The following TTC39A variants were observed in gnomAD, a reference collection of about 807,000 sequenced individuals.
TTC39A encodes the protein tetratricopeptide repeat protein 39A.
In TTC39A, 46 loss-of-function variants were observed where a neutral mutation model predicts 82.3. The ratio of observed to expected loss-of-function variants is 0.56; its 90% CI spans 0.44 to 0.71. The LOEUF is 0.71. Ranked by LOEUF, TTC39A falls within the 30% of genes least tolerant of loss-of-function variation. The pLI, the probability that TTC39A is intolerant of heterozygous loss-of-function variation, is 0.00. For missense variants in TTC39A, 543 were observed against 712.9 expected, an observed-to-expected ratio of 0.76 and a Z score of 2.71; for synonymous variants, 254 against 275.2, an observed-to-expected ratio of 0.92 and a Z score of 0.76.
At chr1:51,302,173 T>C (rs751806999) in intron 11 of TTC39A, 184 bp downstream of exon 11, 4 of 796,332 alleles carry the variant, frequency 5.0e-6, no homozygotes, top group Non-Finnish European at 8.7e-6. Flanking sequence ...TCCTCCTCCC[T>C]TGTCTTCCCA....
At chr1:51,331,323 C>A, upstream of TTC39A, 1 of 1,528,592 alleles carries the variant, frequency 6.5e-7, no homozygotes, top group Non-Finnish European at 8.8e-7. Context: ...GGCGGTGTCT[C>A]CACCTGACCT....
intron 1 of TTC39A, chr1:51,343,194 C>T: frequency 2.5e-6 from 1 of 392,782 alleles, no homozygotes; most frequent in South Asian, 1.8e-5. Flanking sequence ...GCTCTGGGAA[C>T]ATGGGGACAA....
chr1:51,332,514 G>T (rs555576286), upstream of TTC39A, among the ~76,000 whole-genome samples: 184 of 152,318 alleles, frequency 1.2e-3, 1 homozygote, highest in African/African-American at 4.3e-3. Flanking sequence ...GCCTACCTTG[G>T]CCTCCCACAG....
chr1:51,305,474 T>C, intron 7 of TTC39A: 1 of 345,768 alleles, frequency 2.9e-6, no homozygotes, highest in South Asian at 2.7e-5. Context: ...TGGAAGCCCC[T>C]CCCCAGCTGG....
At chr1:51,301,828 C>T in intron 11 of TTC39A, 95 bp from the exon 12 acceptor site, 9 of 1,514,268 alleles carry the variant, frequency 5.9e-6, no homozygotes, top group Non-Finnish European at 7.1e-6. Context: ...GACCGGGACT[C>T]CTCCAGGGCA....
intron 8 of TTC39A, 27 bp from the exon 9 acceptor site, chr1:51,303,219 C>T (rs1644744353): frequency 1.3e-6 from 2 of 1,526,738 alleles, no homozygotes; most frequent in Non-Finnish European, 1.8e-6. Context: ...GTGGGTGAGG[C>T]TCCCAGAGAG....
At chr1:51,316,323 C>T (rs1037095479) in intron 2 of TTC39A, among the ~76,000 whole-genome samples, 4 of 152,184 alleles carry the variant, frequency 2.6e-5, no homozygotes, top group African/African-American at 9.7e-5. Context: ...AGGATGCCGC[C>T]GCCTTCCCAG....
intron 14 of TTC39A, among the ~76,000 whole-genome samples, chr1:51,291,930 C>T (rs746895796): frequency 3.9e-5 from 6 of 152,150 alleles, no homozygotes; most frequent in South Asian, 2.1e-4. Context: ...CAGTGGCTTA[C>T]GCCTGTAATT....
At chr1:51,312,715 A>G in intron 3 of TTC39A, 97 bp downstream of exon 3, 2 of 1,508,686 alleles carry the variant, frequency 1.3e-6, no homozygotes, top group Non-Finnish European at 1.8e-6. Flanking sequence ...AGCCAAAAGC[A>G]GCAGTGCGAA....
Position 51,288,764 on chromosome 1 carries a change from C to T in TTC39A, c.1610+75G>A. On this transcript the variant is annotated intron_variant, in intron 17 of 17. Transcript: ENST00000680483. This position sits in a 1 kb window ranked among gnomAD's most constrained non-coding sequence, Gnocchi z 4.8. ...GCAACTCCACTCACTGCTCTCTGGGCAACTCTGTCCCCAGCCAGCTCCTGA... is the reference window on the plus strand; with the variant it reads ...GCAACTCCACTCACTGCTCTCTGGGTAACTCTGTCCCCAGCCAGCTCCTGA... The T allele has an allele frequency of 2.1e-6, 3 of 1,406,228 alleles. No individual in the cohort carries two copies. Among genetic ancestry groups the T allele is most frequent in the Non-Finnish European group, 2.9e-6 (3 of 1,019,692 alleles). The allele number at this position is 1,406,228 out of a possible 1,614,324, so 87.1% of individuals were successfully genotyped here.
Position 51,302,430 on chromosome 1 carries a change from C to A in TTC39A, c.832-14G>T. ...GAAGATGGCACCCTGCAATGACACA[C>A]ATGTAAGTCCGTGTGGGTCCGTGGG... On this transcript the variant is annotated splice_polypyrimidine_tract_variant and intron_variant, in intron 10 of 17. Transcript: ENST00000680483. The A allele has an allele frequency of 6.2e-7, 1 of 1,608,610 alleles. No individual in the cohort carries two copies. Among genetic ancestry groups the A allele is most frequent in the Non-Finnish European group, 8.5e-7 (1 of 1,177,392 alleles).
chr1:51,339,250 G>A (rs1292372343), intron 1 of TTC39A, among the ~76,000 whole-genome samples: 5 of 152,150 alleles, frequency 3.3e-5, no homozygotes, highest in Non-Finnish European at 5.9e-5. Flanking sequence ...AGTTCCACGT[G>A]GATGGGGTCT....
Position 51,303,202 on chromosome 1 carries a change from TGGGA to T in TTC39A, c.655-14_655-11del. 9 of 433,722 alleles carry T rather than the reference TGGGA, an allele frequency of 2.1e-5. No homozygotes were observed. The highest frequency in any genetic ancestry group is 4.2e-5 in the Non-Finnish European group (9 of 214,124). 26.9% of individuals were successfully genotyped at this position (433,722 alleles called of 1,614,324 possible). On this transcript the variant is annotated splice_polypyrimidine_tract_variant and intron_variant, in intron 8 of 17. Coordinates refer to ENST00000680483, the MANE Select transcript of TTC39A (RefSeq NM_001297663.2). ...GCAGCAGCCCATAGTCCTGAGGGGA[TGGGA>T]GGGTGGGTGAGGCTCCCAGAGAGGG...
chr1:51,342,439 C>A (rs1275974639), intron 1 of TTC39A, among the ~76,000 whole-genome samples: 1 of 152,168 alleles, frequency 6.6e-6, no homozygotes, highest in Non-Finnish European at 1.5e-5. Context: ...TATTATTTTA[C>A]AGCTGAGGAA....
At chr1:51,299,507 CTG>C (rs1644570773) in intron 12 of TTC39A, 1 of 152,364 alleles carries the variant, frequency 6.6e-6, no homozygotes, top group African/African-American at 2.4e-5. Context: ...TTGGTGGAGT[CTG>C]TGGTGGCCAA....
upstream of TTC39A, chr1:51,330,896 C>G: frequency 1.7e-6 from 1 of 599,300 alleles, no homozygotes; most frequent in South Asian, 1.9e-5. This position sits in a 1 kb window ranked among gnomAD's most constrained non-coding sequence, Gnocchi z 4.5. Flanking sequence ...CGGCCCCCAC[C>G]TGAGCCGTCA....
At chr1:51,307,749 A>C (rs1008111537) in intron 6 of TTC39A, among the ~76,000 whole-genome samples, 2 of 152,008 alleles carry the variant, frequency 1.3e-5, no homozygotes, top group African/African-American at 4.8e-5. Context: ...AAAAAAAAAA[A>C]AAAAAGACTT....
At chr1:51,290,255 ATC>A in intron 15 of TTC39A, 136 bp from the exon 16 acceptor site, 1 of 818,038 alleles carries the variant, frequency 1.2e-6, no homozygotes, top group South Asian at 1.8e-5. Flanking sequence ...CAGGGGTCAC[ATC>A]TAAGAAGGAA....
At chr1:51,329,897 T>C (rs902613513) in intron 1 of TTC39A, 2 of 153,588 alleles carry the variant, frequency 1.3e-5, no homozygotes, top group African/African-American at 4.8e-5. Context: ...CACTTTTTAC[T>C]ACCCAGGTTC....
Sources: gnomAD v4.1 joint callset for allele counts (sites outside exome capture counted in the v4.1 genomes callset) on GRCh38, gnomAD v4.1.1 for gene constraint, Gnocchi (gnomAD v3.1) non-coding constraint, MANE v1.5 for transcripts, NCBI Gene and HGNC (gene_info 2026-07-23, HGNC 2026-07-21) for gene names.